The following TPGS2 variants were observed in gnomAD, a reference collection of about 807,000 sequenced individuals.
The protein encoded by TPGS2 is tubulin polyglutamylase complex subunit 2.
A neutral mutation model predicts 31.1 loss-of-function variants in TPGS2; 26 were observed. The ratio of observed to expected loss-of-function variants is 0.84; its 90% CI spans 0.61 to 1.16. The LOEUF (loss-of-function observed/expected upper bound fraction) is 1.16, where lower values mean the gene tolerates loss of function less well. Among genes scored for constraint, TPGS2 ranks in the 50% most tolerant of loss-of-function variants. The pLI, the probability that TPGS2 is intolerant of heterozygous loss-of-function variation, is 0.00. For missense variants in TPGS2, 351 were observed against 363.8 expected, an observed-to-expected ratio of 0.96 and a Z score of 0.29; for synonymous variants, 130 against 136.6, an observed-to-expected ratio of 0.95 and a Z score of 0.34.
intron 2 of TPGS2, among the ~76,000 whole-genome samples, chr18:36,817,368 G>T (rs1196449832): frequency 6.6e-6 from 1 of 152,058 alleles, no homozygotes; most frequent in Non-Finnish European, 1.5e-5. Context: ...GCAGGCAACT[G>T]TAAGTTCAAA....
downstream of TPGS2, among the ~76,000 whole-genome samples, chr18:36,781,632 ACT>A (rs1367262481): frequency 3.3e-5 from 5 of 152,036 alleles, no homozygotes; most frequent in African/African-American, 1.2e-4. Flanking sequence ...ACAGAGTGAG[ACT>A]CTGTCTCCAA....
chr18:36,786,649 A>AT, intron 6 of TPGS2: 1 of 420,128 alleles, frequency 2.4e-6, no homozygotes, highest in Non-Finnish European at 4.0e-6. Flanking sequence ...CTCTCTTTTA[A>AT]TATCAATGCT....
intron 6 of TPGS2, chr18:36,798,239 A>ATCAG: frequency 2.9e-6 from 4 of 1,394,480 alleles, no homozygotes; most frequent in Non-Finnish European, 2.8e-6. Flanking sequence ...AATTCTGAGA[A>ATCAG]TCAGTCAAGT....
At chr18:36,818,474 AG>A (rs1275615123) in intron 2 of TPGS2, 4 of 153,858 alleles carry the variant, frequency 2.6e-5, no homozygotes, top group African/African-American at 7.2e-5. Flanking sequence ...GGCCCACTGT[AG>A]AAGCTTAAAA....
chr18:36,815,709 T>C (rs2045622819), intron 2 of TPGS2, among the ~76,000 whole-genome samples: 1 of 152,092 alleles, frequency 6.6e-6, no homozygotes, highest in African/African-American at 2.4e-5. Flanking sequence ...AAACAAAAGG[T>C]ACACACCCCA....
intron 1 of TPGS2, among the ~76,000 whole-genome samples, 196 bp from the exon 2 acceptor site, chr18:36,819,169 T>C (rs2045789845): frequency 6.6e-6 from 1 of 152,200 alleles, no homozygotes; most frequent in African/African-American, 2.4e-5. Context: ...GACAATGTAG[T>C]CTACCTGATA....
intron 1 of TPGS2, among the ~76,000 whole-genome samples, chr18:36,825,432 CAAAAAAAAAA>C (rs60365266): frequency 1.3e-5 from 1 of 77,436 alleles, no homozygotes; most frequent in African/African-American, 4.0e-5. Context: ...ACTCCGTCTC[CAAAAAAAAAA>C]AAAAAAAAAA....
At chr18:36,810,221 G>A (rs2045357748) in intron 2 of TPGS2, among the ~76,000 whole-genome samples, 1 of 152,144 alleles carries the variant, frequency 6.6e-6, no homozygotes, top group Non-Finnish European at 1.5e-5. Flanking sequence ...ACTGCATGTA[G>A]CTCTTCTGAG....
intron 2 of TPGS2, among the ~76,000 whole-genome samples, chr18:36,812,505 T>C (rs911553473): frequency 1.3e-5 from 2 of 152,196 alleles, no homozygotes; most frequent in Non-Finnish European, 2.9e-5. Flanking sequence ...GTTCCTGTAG[T>C]GTGGCGTGCT....
chr18:36,801,920 C>A (rs2044838399), intron 4 of TPGS2, among the ~76,000 whole-genome samples: 1 of 152,208 alleles, frequency 6.6e-6, no homozygotes, highest in Admixed American at 6.5e-5. Context: ...CCTGACCCCT[C>A]TTCTCAGACT....
downstream of TPGS2, chr18:36,780,130 A>G (rs2043967870): frequency 8.1e-7 from 1 of 1,232,146 alleles, no homozygotes; most frequent in Admixed American, 4.2e-5. Flanking sequence ...AGAATGGCAA[A>G]ACTCTTCTCA....
At chr18:36,807,109 G>A (rs2045188610) in intron 3 of TPGS2, among the ~76,000 whole-genome samples, 1 of 140,136 alleles carries the variant, frequency 7.1e-6, no homozygotes, top group South Asian at 2.2e-4. Context: ...ATGGACTGGA[G>A]GGGAGGAACT....
intron 2 of TPGS2, among the ~76,000 whole-genome samples, chr18:36,808,257 A>C (rs2045260039): frequency 6.6e-6 from 1 of 152,204 alleles, no homozygotes; most frequent in Non-Finnish European, 1.5e-5. Context: ...GGGAAGTCCT[A>C]GGTAAAGTCT....
At chr18:36,790,786 C>G (rs2044284069), downstream of TPGS2, among the ~76,000 whole-genome samples, 2 of 152,146 alleles carry the variant, frequency 1.3e-5, no homozygotes, top group African/African-American at 4.8e-5. Flanking sequence ...GTTGTCTGTT[C>G]CTACTGGTCT....
chr18:36,811,650 T>A (rs1032309997), intron 2 of TPGS2, among the ~76,000 whole-genome samples: 14 of 152,128 alleles, frequency 9.2e-5, no homozygotes, highest in Non-Finnish European at 1.9e-4. Context: ...AGATGGTGGG[T>A]GTGGTAGCCT....
chr18:36,798,699 A>G (rs1363028999), intron 5 of TPGS2, 90 bp from the exon 6 acceptor site: 24 of 1,493,674 alleles, frequency 1.6e-5, no homozygotes, highest in Non-Finnish European at 2.1e-5. Context: ...ATGGCCTTAA[A>G]AAAAAATCCC....
chr18:36,823,523 C>T (rs2045993878), intron 1 of TPGS2, among the ~76,000 whole-genome samples: 1 of 138,034 alleles, frequency 7.2e-6, no homozygotes, highest in African/African-American at 2.8e-5. Flanking sequence ...TGCAGTGGCG[C>T]GATCTCGGCT....
intron 6 of TPGS2, among the ~76,000 whole-genome samples, chr18:36,787,351 G>A (rs1357508566): frequency 6.6e-6 from 1 of 152,110 alleles, no homozygotes; most frequent in African/African-American, 2.4e-5. Flanking sequence ...GAGAGACTTC[G>A]CCCCTAATAG....
At chr18:36,781,483 C>G (rs900361436), downstream of TPGS2, among the ~76,000 whole-genome samples, 1 of 152,088 alleles carries the variant, frequency 6.6e-6, no homozygotes, top group African/African-American at 2.4e-5. Flanking sequence ...GAAACCCTGT[C>G]TCTACTAAAA....
Sources: gnomAD v4.1 joint callset for allele counts (sites outside exome capture counted in the v4.1 genomes callset) on GRCh38, gnomAD v4.1.1 for gene constraint, MANE v1.5 for transcripts, NCBI Gene and HGNC (gene_info 2026-07-23, HGNC 2026-07-21) for gene names.